CCDC172: variants seen among roughly 807,000 people sequenced by gnomAD.
The protein encoded by CCDC172 is coiled-coil domain containing 172, also known as coiled-coil domain-containing protein 172.
A neutral mutation model predicts 38.0 loss-of-function variants in CCDC172; 30 were observed. The ratio of observed to expected loss-of-function variants is 0.79; its 90% CI spans 0.59 to 1.07. The LOEUF (loss-of-function observed/expected upper bound fraction) is 1.07, where lower values mean the gene tolerates loss of function less well. CCDC172 is among the 50% of genes least tolerant of loss of function. The pLI is 0.00. For missense variants in CCDC172, 297 were observed against 290.1 expected, an observed-to-expected ratio of 1.02 and a Z score of -0.17; for synonymous variants, 78 against 88.3, an observed-to-expected ratio of 0.88 and a Z score of 0.66.
At chr10:116,353,847 A>G (rs1219673075) in intron 5 of CCDC172, among the ~76,000 whole-genome samples, 1 of 152,238 alleles carries the variant, frequency 6.6e-6, no homozygotes, top group Non-Finnish European at 1.5e-5. Context: ...TAGTGTGGCT[A>G]TAATAAAGGT....
intron 7 of CCDC172, among the ~76,000 whole-genome samples, chr10:116,370,742 AT>A (rs1845177775): frequency 6.6e-6 from 1 of 151,756 alleles, no homozygotes; most frequent in Non-Finnish European, 1.5e-5. Context: ...TTTAGGATCA[AT>A]TTGCCTAGCA....
In CCDC172 at chr10:116,378,498, AT is replaced by A; in HGVS notation, c.734del (p.Leu245TrpfsTer3). 1 of 1,604,242 alleles carries A rather than the reference AT, an allele frequency of 6.2e-7. No homozygotes were observed. The highest frequency in any genetic ancestry group is 1.7e-5 in the Admixed American group (1 of 58,352). ...ATGAAGCTCTCCAAACAGAAATAGA[AT>A]TTTTGGAGTTGGTAAGTTATCATTG... ...VYEALQTEIEFLELTLAQKDL... is the reference protein window; with the variant it reads ...VYEALQTEIEXLELTLAQKDL... On this transcript the variant is annotated frameshift_variant, in exon 8 of 9. Coordinates refer to ENST00000333254, the MANE Select transcript of CCDC172 (RefSeq NM_198515.3). LOFTEE classifies it high-confidence loss of function.
chr10:116,377,533 A>G (rs969428077), intron 7 of CCDC172, among the ~76,000 whole-genome samples: 9 of 152,178 alleles, frequency 5.9e-5, no homozygotes, highest in East Asian at 1.9e-4. Context: ...AATAAAATGT[A>G]TGTGCTTTTT....
chr10:116,353,688 C>T (rs538027633), intron 5 of CCDC172, among the ~76,000 whole-genome samples: 2 of 151,910 alleles, frequency 1.3e-5, no homozygotes, highest in African/African-American at 4.8e-5. Flanking sequence ...TAGGCCTAGC[C>T]TAATTATATG....
intron 3 of CCDC172, among the ~76,000 whole-genome samples, chr10:116,334,574 G>A (rs762960793): frequency 3.1e-4 from 47 of 151,804 alleles, no homozygotes; most frequent in African/African-American, 8.7e-4. Context: ...TAATTGCTGC[G>A]TAGTATTCCA....
intron 7 of CCDC172, among the ~76,000 whole-genome samples, chr10:116,366,676 T>G (rs12779131): frequency 6.6e-6 from 1 of 152,076 alleles, no homozygotes; most frequent in Non-Finnish European, 1.5e-5. Context: ...TGTTCCAGGA[T>G]AGATGCCTGT....
intron 5 of CCDC172, among the ~76,000 whole-genome samples, chr10:116,354,280 G>A (rs1298226591): frequency 6.6e-6 from 1 of 152,078 alleles, no homozygotes; most frequent in Non-Finnish European, 1.5e-5. Flanking sequence ...TATGTCACTG[G>A]TTTATGTATT....
At chr10:116,341,937 T>TTGTTAA in intron 4 of CCDC172, 99 bp from the exon 5 acceptor site, 4 of 856,312 alleles carry the variant, frequency 4.7e-6, no homozygotes, top group Non-Finnish European at 6.2e-6. Flanking sequence ...ACTATATACT[T>TTGTTAA]TCATTGTTAA....
At chr10:116,377,921 C>T (rs1845267749) in intron 7 of CCDC172, among the ~76,000 whole-genome samples, 1 of 152,156 alleles carries the variant, frequency 6.6e-6, no homozygotes, top group African/African-American at 2.4e-5. Flanking sequence ...TGGCTAACAC[C>T]TGTAATCCCA....
chr10:116,327,827 A>T (rs1844609829), intron 3 of CCDC172, among the ~76,000 whole-genome samples: 1 of 152,130 alleles, frequency 6.6e-6, no homozygotes, highest in Non-Finnish European at 1.5e-5. Flanking sequence ...ATTATAATGC[A>T]TATGACTAAT....
At chr10:116,345,681 C>T (rs1217884669) in intron 5 of CCDC172, among the ~76,000 whole-genome samples, 6 of 152,036 alleles carry the variant, frequency 3.9e-5, no homozygotes, top group African/African-American at 1.4e-4. Context: ...GTACTAATGG[C>T]CAATGAACAT....
At chr10:116,369,839 AT>A (rs147732299) in intron 7 of CCDC172, among the ~76,000 whole-genome samples, 31 of 151,464 alleles carry the variant, frequency 2.0e-4, no homozygotes, top group South Asian at 1.3e-3. Flanking sequence ...TTTGAGCACA[AT>A]TTTTTTTTCC....
intron 5 of CCDC172, among the ~76,000 whole-genome samples, chr10:116,349,567 A>T (rs565350792): frequency 2.0e-5 from 3 of 152,290 alleles, no homozygotes; most frequent in Non-Finnish European, 4.4e-5. Flanking sequence ...ACACACTTGT[A>T]TGATTATTTG....
intron 7 of CCDC172, among the ~76,000 whole-genome samples, chr10:116,375,810 A>G (rs1434520501): frequency 1.3e-5 from 2 of 152,200 alleles, no homozygotes; most frequent in African/African-American, 4.8e-5. Flanking sequence ...AGAAATGCAA[A>G]TCAAAACCAC....
At chr10:116,375,620 T>G (rs1015746899) in intron 7 of CCDC172, among the ~76,000 whole-genome samples, 2 of 152,018 alleles carry the variant, frequency 1.3e-5, no homozygotes, top group Admixed American at 6.6e-5. Flanking sequence ...GCAAAGAACA[T>G]GAACTCATCC....
intron 3 of CCDC172, among the ~76,000 whole-genome samples, chr10:116,332,674 G>C (rs943383808): frequency 1.3e-5 from 2 of 151,442 alleles, no homozygotes; most frequent in Non-Finnish European, 3.0e-5. Flanking sequence ...GTTAGGTTTT[G>C]TTTTCTTCCC....
intron 5 of CCDC172, among the ~76,000 whole-genome samples, chr10:116,352,834 C>T (rs1461381838): frequency 6.6e-6 from 1 of 151,572 alleles, no homozygotes. Flanking sequence ...GTAAAGCTAT[C>T]TCTATTCAAA....
chr10:116,345,604 C>A (rs1468652552), intron 5 of CCDC172, among the ~76,000 whole-genome samples: 1 of 151,988 alleles, frequency 6.6e-6, no homozygotes, highest in East Asian at 1.9e-4. Flanking sequence ...TGAACTCTAA[C>A]AACTTAAAAA....
At chr10:116,371,982 G>A (rs572500260) in intron 7 of CCDC172, among the ~76,000 whole-genome samples, 1 of 152,158 alleles carries the variant, frequency 6.6e-6, no homozygotes, top group African/African-American at 2.4e-5. Flanking sequence ...CTTTCTGAGG[G>A]TCATTTAATC....
Sources: allele counts gnomAD v4.1 joint callset (sites outside exome capture counted in the v4.1 genomes callset), GRCh38; gene constraint gnomAD v4.1.1; transcripts MANE v1.5; gene names NCBI Gene and HGNC (gene_info 2026-07-23, HGNC 2026-07-21).